OR1I1: variants seen among roughly 807,000 people sequenced by gnomAD.
The protein encoded by OR1I1 is olfactory receptor 1I1.
For missense variants in OR1I1, 451 were observed against 443.6 expected, an observed-to-expected ratio of 1.02 and a Z score of -0.15; for synonymous variants, 171 against 181.4, an observed-to-expected ratio of 0.94 and a Z score of 0.46.
In OR1I1 at chr19:15,089,315, C is replaced by A. The variant is rs73008827; in HGVS notation, c.*1182C>A. On this transcript the variant is annotated 3_prime_UTR_variant, in exon 2 of 2. Transcript: ENST00000641398. ...ACAGGCTTCCTGTCTCCCCACAACC[C>A]CCAGTCAAGGGGACTCTGATGCAGA... The A allele has an allele frequency of 0.15, 22,179 of 152,044 alleles. 1,977 individuals are homozygous for A. Among genetic ancestry groups the A allele is most frequent in the South Asian group, 0.29 (1,404 of 4,822 alleles). 9.4% of individuals were successfully genotyped at this position (152,044 alleles called of 1,614,324 possible).
In OR1I1 at chr19:15,087,284, A is replaced by T; in HGVS notation, c.219A>T (p.Leu73Phe). 2 of 1,613,902 alleles carry T rather than the reference A, an allele frequency of 1.2e-6. No individual in the cohort carries two copies. Among genetic ancestry groups the T allele is most frequent in the East Asian group, 4.5e-5 (2 of 44,852 alleles). ...LFNLSLVDTLLSSTTVPKMLA... is the reference protein window; with the variant it reads ...LFNLSLVDTLFSSTTVPKMLA... ...ACCTCTCACTCGTTGACACCCTATT[A>T]TCCTCCACCACCGTCCCCAAGATGC... The change falls in exon 2 of 2, where the codon TTA becomes TTT. Residue 73 changes from leucine (L) to phenylalanine (F), a missense_variant. Transcript: ENST00000641398.
In OR1I1 at chr19:15,088,047, C is replaced by T; in HGVS notation, c.982C>T (p.Leu328=). The T allele has an allele frequency of 6.2e-7, 1 of 1,606,966 alleles. No homozygotes were observed. The highest frequency in any genetic ancestry group is 8.5e-7 in the Non-Finnish European group (1 of 1,175,232). The change falls in exon 2 of 2, where the codon CTG becomes TTG. Residue 328 remains leucine, a synonymous_variant. Transcript: ENST00000641398. ...LLDVYHVPGS[L]LAARDTEMHP... Reference sequence around the variant, plus strand: ...GGATGTTTATCATGTTCCAGGATCACTGTTGGCTGCTAGGGACACAGAGAT... The same window carrying T: ...GGATGTTTATCATGTTCCAGGATCATTGTTGGCTGCTAGGGACACAGAGAT...
At chr19:15,086,943 T>C in intron 1 of OR1I1, 110 bp from the exon 2 acceptor site, 1 of 1,433,918 alleles carries the variant, frequency 7.0e-7, no homozygotes, top group Non-Finnish European at 9.2e-7. Context: ...ATTTGATGGA[T>C]TTGATGGAAT....
intron 1 of OR1I1, among the ~76,000 whole-genome samples, chr19:15,085,854 G>T (rs560892099): frequency 6.6e-6 from 1 of 152,128 alleles, no homozygotes; most frequent in South Asian, 2.1e-4. Flanking sequence ...GGTTGCAAAT[G>T]ATAGAATTTC....
At chr19:15,082,998 G>A (rs2046215565) in intron 1 of OR1I1, among the ~76,000 whole-genome samples, 1 of 151,218 alleles carries the variant, frequency 6.6e-6, no homozygotes, top group African/African-American at 2.4e-5. Flanking sequence ...TAGAGGCAGG[G>A]ATCTTCCTAT....
In OR1I1 at chr19:15,088,806, T is replaced by TAGATAGATAGATAGATAGACAGAC. The variant is rs1568323057; in HGVS notation, c.*690_*691insGACAGACAGATAGATAGATAGATA. 2.5e-5 allele frequency: 3 copies of TAGATAGATAGATAGATAGACAGAC among 121,930 alleles called. No individual in the cohort carries two copies. Among genetic ancestry groups the TAGATAGATAGATAGATAGACAGAC allele is most frequent in the Non-Finnish European group, 3.8e-5 (2 of 52,214 alleles). The allele number at this position is 121,930 out of a possible 1,614,324, so 7.6% of individuals were successfully genotyped here. Reference sequence around the variant, plus strand: ...ATAGATAGATAGATAGATAGATAGATAGATAGATAGATAGATATACAGATA... The same window carrying TAGATAGATAGATAGATAGACAGAC: ...ATAGATAGATAGATAGATAGATAGATAGATAGATAGATAGATAGACAGACAGATAGATAGATAGATATACAGATA... On this transcript the variant is annotated 3_prime_UTR_variant, in exon 2 of 2. Transcript: ENST00000641398.
At position 15,088,309 on chromosome 19, in the gene OR1I1, A is replaced by C; in HGVS notation, c.*176A>C. On this transcript the variant is annotated 3_prime_UTR_variant, in exon 2 of 2. Coordinates refer to ENST00000641398, the MANE Select transcript of OR1I1 (RefSeq NM_001004713.2). ...GGAGGATCAGCCTTTTAGGATTGCT[A>C]TGTGAATAAGAGTAGTTGAAAACAA... 1 of 695,656 alleles carries C rather than the reference A, an allele frequency of 1.4e-6. No homozygotes were observed. The highest frequency in any genetic ancestry group is 2.3e-6 in the Non-Finnish European group (1 of 431,120). 43.1% of individuals were successfully genotyped at this position (695,656 alleles called of 1,614,324 possible). A position where few individuals can be genotyped will look rare whatever the true frequency, so the allele number is the denominator to read the frequency against.
chr19:15,087,737 A>C lies in OR1I1; in HGVS notation c.672A>C (p.Thr224=), dbSNP rs768885427. 5.0e-6 allele frequency: 8 copies of C among 1,614,110 alleles called. No individual in the cohort carries two copies. In the African/African-American group the frequency reaches 9.3e-5, roughly 19 times the overall value. Residue 224 remains threonine, a synonymous_variant, in exon 2 of 2, where the codon ACA becomes ACC. Coordinates refer to ENST00000641398, the MANE Select transcript of OR1I1 (RefSeq NM_001004713.2). ...ILLSYIRIFW[T]VFKIPSTRGK... is the part of the protein sequence containing the mutation. ...TCTCGTACATCCGCATTTTCTGGAC[A>C]GTCTTTAAGATCCCTTCTACTCGGG...
intron 1 of OR1I1, among the ~76,000 whole-genome samples, chr19:15,084,799 T>C (rs1389734296): frequency 6.6e-6 from 1 of 151,574 alleles, no homozygotes; most frequent in East Asian, 1.9e-4. Context: ...AGAAAGAAAC[T>C]GGCTCCTAAG....
At position 15,088,989 on chromosome 19, in the gene OR1I1, G is replaced by GATA. The variant is rs1476907527; in HGVS notation, c.*856_*857insATA. 2.8e-4 allele frequency: 14 copies of GATA among 50,756 alleles called. No individual in the cohort carries two copies. The highest frequency in any genetic ancestry group is 5.9e-4 in the Non-Finnish European group (12 of 20,318). 3.1% of individuals were successfully genotyped at this position (50,756 alleles called of 1,614,324 possible). ...GATAGATAGATAGATAGATGAGATA[G>GATA]GTAGGTAGGTCAGTCGATCGATTGA... On this transcript the variant is annotated 3_prime_UTR_variant, in exon 2 of 2. Coordinates refer to ENST00000641398, the MANE Select transcript of OR1I1 (RefSeq NM_001004713.2).
In OR1I1 at chr19:15,087,619, T is replaced by C. The variant is rs2046236075; in HGVS notation, c.554T>C (p.Leu185Pro). 6.2e-7 allele frequency: 1 copy of C among 1,614,052 alleles called. No individual in the cohort carries two copies. Among genetic ancestry groups the C allele is most frequent in the African/African-American group, 1.3e-5 (1 of 74,948 alleles). Residue 185 changes from leucine to proline, a missense_variant, in exon 2 of 2, where the codon CTG becomes CCG. Leu to Pro is a moderately conservative substitution (Grantham distance 98, BLOSUM62 -3). Transcript: ENST00000641398. ...TTCTTCTGTGACCTCATGCCCCTGC[T>C]GAAGCTCTCCGGCTCAGACACGCAC... Reference protein sequence around the residue: ...SHFFCDLMPLLKLSGSDTHTN... With the variant: ...SHFFCDLMPLPKLSGSDTHTN...
At position 15,088,955 on chromosome 19, in the gene OR1I1, A is replaced by AGATAGATAGTTG. The variant is rs2046245489; in HGVS notation, c.*831_*832insTTGGATAGATAG. ...TAGATCATATAAGTAGATAGATGATAGATAGATAGATAGATAGATAGATAG... is the reference window on the plus strand; with the variant it reads ...TAGATCATATAAGTAGATAGATGATAGATAGATAGTTGGATAGATAGATAGATAGATAGATAG... On this transcript the variant is annotated 3_prime_UTR_variant, in exon 2 of 2. Coordinates refer to ENST00000641398, the MANE Select transcript of OR1I1 (RefSeq NM_001004713.2). 1 of 144,780 alleles carries AGATAGATAGTTG rather than the reference A, an allele frequency of 6.9e-6. No homozygotes were observed. Among genetic ancestry groups the AGATAGATAGTTG allele is most frequent in the Non-Finnish European group, 1.5e-5 (1 of 67,792 alleles). 9.0% of individuals were successfully genotyped at this position (144,780 alleles called of 1,614,324 possible). A position where few individuals can be genotyped will look rare whatever the true frequency, so the allele number is the denominator to read the frequency against.
chr19:15,087,111 G>C lies in OR1I1; in HGVS notation c.46G>C (p.Gly16Arg). 6.2e-7 allele frequency: 1 copy of C among 1,613,802 alleles called. No individual in the cohort carries two copies. Among genetic ancestry groups the C allele is most frequent in the Non-Finnish European group, 8.5e-7 (1 of 1,179,956 alleles). Residue 16 changes from glycine to arginine, a missense_variant, in exon 2 of 2, where the codon GGA (glycine) becomes CGA (arginine). By Grantham distance (125) the Gly-to-Arg change is moderately radical. Transcript: ENST00000641398. ...CGAAATCTCAGAATTCTTCCTCCAG[G>C]GACTCTCAGAAAAGCCAGAGCATCA... ...QTEISEFFLQ[G>R]LSEKPEHQTL...
rs771927915 is a variant in OR1I1, at chr19:15,087,524, C to A, written c.459C>A (p.Asn153Lys). 1 of 1,614,198 alleles carries A rather than the reference C, an allele frequency of 6.2e-7. No homozygotes were observed. Among genetic ancestry groups the A allele is most frequent in the South Asian group, 1.1e-5 (1 of 91,088 alleles). ...LLLGASWMIT[N>K]LQSLIHTCLM... ...TGGGAGCATCATGGATGATCACCAA[C>A]CTCCAGTCTCTCATACACACCTGCC... Residue 153 changes from asparagine to lysine, a missense_variant, in exon 2 of 2, where the codon AAC (asparagine) becomes AAA (lysine). Coordinates refer to ENST00000641398, the MANE Select transcript of OR1I1 (RefSeq NM_001004713.2).
chr19:15,087,292 C>A lies in OR1I1; in HGVS notation c.227C>A (p.Thr76Asn), dbSNP rs1404590240. The A allele has an allele frequency of 5.6e-6, 9 of 1,614,166 alleles. No homozygotes were observed. Among genetic ancestry groups the A allele is most frequent in the Non-Finnish European group, 7.6e-6 (9 of 1,180,030 alleles). The stretch of plus-strand genomic sequence containing the variant: ...CTCGTTGACACCCTATTATCCTCCA[C>A]CACCGTCCCCAAGATGCTAGCGAAC... ...LSLVDTLLSS[T>N]TVPKMLANIQ... is the part of the protein sequence containing the mutation. Residue 76 changes from threonine to asparagine, a missense_variant, in exon 2 of 2, where the codon ACC becomes AAC. Physicochemically the swap from Thr to Asn is moderately conservative, Grantham distance 65 (BLOSUM62 0). Transcript: ENST00000641398.
intron 1 of OR1I1, among the ~76,000 whole-genome samples, chr19:15,082,773 G>A (rs1241310758): frequency 1.2e-4 from 4 of 33,942 alleles, no homozygotes; most frequent in East Asian, 1.1e-3. Context: ...GTTTGGGAGC[G>A]GGGGGGAGGG....
intron 1 of OR1I1, among the ~76,000 whole-genome samples, chr19:15,084,730 T>A (rs1424463362): frequency 6.6e-6 from 1 of 151,136 alleles, no homozygotes; most frequent in African/African-American, 2.4e-5. Context: ...TAAAATAAAA[T>A]GATAAAATTA....
intron 1 of OR1I1, among the ~76,000 whole-genome samples, chr19:15,084,705 G>A (rs759499389): frequency 2.3e-4 from 35 of 152,094 alleles, no homozygotes; most frequent in African/African-American, 8.0e-4. Flanking sequence ...CGTCCTGCAC[G>A]TGTATCCTGG....
chr19:15,087,807 G>T lies in OR1I1; in HGVS notation c.742G>T (p.Val248Leu), dbSNP rs1272957832. 1.2e-6 allele frequency: 2 copies of T among 1,614,174 alleles called. No homozygotes were observed. Among genetic ancestry groups the T allele is most frequent in the Non-Finnish European group, 1.7e-6 (2 of 1,180,022 alleles). Residue 248 changes from valine to leucine, a missense_variant, in exon 2 of 2, where the codon GTG becomes TTG. Coordinates refer to ENST00000641398, the MANE Select transcript of OR1I1 (RefSeq NM_001004713.2). ...FSTCGLHLTV[V>L]SLSYGTIFAV... ...CACCTGTGGCTTACACCTCACTGTG[G>T]TGTCACTGTCCTATGGGACCATCTT...
Sources: gnomAD v4.1 joint callset for allele counts (sites outside exome capture counted in the v4.1 genomes callset) on GRCh38, gnomAD v4.1.1 for gene constraint, MANE v1.5 for transcripts, NCBI Gene and HGNC (gene_info 2026-07-23, HGNC 2026-07-21) for gene names.